RYR2: variants seen among roughly 807,000 people sequenced by gnomAD.
RYR2 encodes cardiac muscle ryanodine receptor-calcium release channel.
In RYR2, 227 loss-of-function variants were observed where a neutral mutation model predicts 601.1. The ratio of observed to expected loss-of-function variants is 0.38; its 90% confidence interval spans 0.34 to 0.42. The LOEUF is 0.42. Among genes scored for constraint, RYR2 ranks in the 10% least tolerant of loss-of-function variants. The pLI is 1.00. For synonymous variants in RYR2, 2,223 were observed against 2,175.1 expected, an observed-to-expected ratio of 1.02 and a Z score of -0.61; for missense variants, 4,646 against 6,156.5, an observed-to-expected ratio of 0.75 and a Z score of 8.21.
intron 38 of RYR2, among the ~76,000 whole-genome samples, chr1:237,623,399 T>C (rs202099842): frequency 6.3e-5 from 1 of 15,812 alleles, no homozygotes; most frequent in African/African-American, 1.4e-4. Flanking sequence ...TTTTTTTTTT[T>C]TTTTTTTTTG....
At chr1:237,745,099 C>A (rs573042484) in intron 80 of RYR2, among the ~76,000 whole-genome samples, 15 of 152,078 alleles carry the variant, frequency 9.9e-5, no homozygotes, top group African/African-American at 2.2e-4. Context: ...CCACGCCCAG[C>A]CACTTTTTAA....
chr1:237,764,698 C>T (rs1470621785), intron 84 of RYR2, among the ~76,000 whole-genome samples: 4 of 152,006 alleles, frequency 2.6e-5, no homozygotes, highest in Admixed American at 2.6e-4. Context: ...CCACCCACCT[C>T]GGCCTCCCAA....
chr1:237,330,571 A>G (rs1696607785), intron 2 of RYR2, among the ~76,000 whole-genome samples: 1 of 152,166 alleles, frequency 6.6e-6, no homozygotes, highest in Non-Finnish European at 1.5e-5. Flanking sequence ...TATTTTTAGT[A>G]GAGATGGGGT....
At chr1:237,719,538 G>A (rs544813591) in intron 73 of RYR2, among the ~76,000 whole-genome samples, 3 of 152,286 alleles carry the variant, frequency 2.0e-5, no homozygotes, top group Admixed American at 1.3e-4. Context: ...AACAAGAGCA[G>A]TGAGGAGGGA....
chr1:237,265,187 A>G lies in RYR2; in HGVS notation c.49-5310A>G, dbSNP rs573190290. Among the ~76,000 whole-genome samples, 10 of 152,296 alleles carry G rather than the reference A, an allele frequency of 6.6e-5. No individual in the cohort carries two copies. The South Asian group carries it at 1.5e-3, about 22-fold the overall frequency. ...TTTGAAAGATGGGTAAGTATTAACT[A>G]GAGAAGAGAGAAAGGGGTTTAATAG... On this transcript the variant is annotated intron_variant, in intron 1 of 104. Coordinates refer to ENST00000366574, the MANE Select transcript of RYR2 (RefSeq NM_001035.3).
At chr1:237,377,876 C>G (rs1161914979) in intron 8 of RYR2, among the ~76,000 whole-genome samples, 1 of 151,950 alleles carries the variant, frequency 6.6e-6, no homozygotes, top group African/African-American at 2.4e-5. Flanking sequence ...GAGAAATAGA[C>G]AAAAGAAGAA....
chr1:237,563,203 T>C (rs1671627321), intron 27 of RYR2, among the ~76,000 whole-genome samples: 1 of 151,742 alleles, frequency 6.6e-6, no homozygotes, highest in African/African-American at 2.4e-5. Context: ...AGGCTCGAAG[T>C]TCGAGACCAG....
chr1:237,794,855 G>C (rs1658911077), intron 95 of RYR2, among the ~76,000 whole-genome samples: 1 of 152,202 alleles, frequency 6.6e-6, no homozygotes, highest in African/African-American at 2.4e-5. Context: ...GAAGACGCTA[G>C]AGTTGTGCTT....
intron 14 of RYR2, 94 bp downstream of exon 14, chr1:237,445,616 G>T (rs1708261449): frequency 2.7e-6 from 4 of 1,465,352 alleles, no homozygotes; most frequent in Non-Finnish European, 3.8e-6. Flanking sequence ...TGCTATGATG[G>T]TAATAAATCT....
At position 237,092,382 on chromosome 1, in the gene RYR2, G is replaced by A. The variant is rs370051680; in HGVS notation, c.48+49813G>A. On this transcript the variant is annotated intron_variant, in intron 1 of 104. Coordinates refer to ENST00000366574, the MANE Select transcript of RYR2 (RefSeq NM_001035.3). ...AGGAGACCCTCTGCTATCTTCTCAGGCTTGGTGTTTGCTCTTATGTGACTG... is the reference window on the plus strand; with the variant it reads ...AGGAGACCCTCTGCTATCTTCTCAGACTTGGTGTTTGCTCTTATGTGACTG... Among the ~76,000 whole-genome samples, 58 of 152,172 alleles carry A rather than the reference G, an allele frequency of 3.8e-4. No homozygotes were observed. The South Asian group carries it at 0.011, about 30-fold the overall frequency.
intron 1 of RYR2, among the ~76,000 whole-genome samples, chr1:237,141,700 C>T (rs1673409072): frequency 6.6e-6 from 1 of 152,208 alleles, no homozygotes; most frequent in Non-Finnish European, 1.5e-5. Context: ...ATCGGCCCTG[C>T]CTGCCATTTT....
intron 17 of RYR2, among the ~76,000 whole-genome samples, chr1:237,473,338 C>T (rs926054890): frequency 1.7e-4 from 26 of 151,952 alleles, no homozygotes; most frequent in Non-Finnish European, 7.4e-5. Flanking sequence ...GCATGAGAAT[C>T]GCTTGAACTT....
chr1:237,777,893 G>A (rs1478644356), intron 87 of RYR2, among the ~76,000 whole-genome samples: 2 of 152,158 alleles, frequency 1.3e-5, no homozygotes, highest in Non-Finnish European at 2.9e-5. Context: ...AATTTGATTG[G>A]TAAAAGTGCA....
At chr1:237,190,221 C>T (rs1679825828) in intron 1 of RYR2, among the ~76,000 whole-genome samples, 1 of 152,094 alleles carries the variant, frequency 6.6e-6, no homozygotes, top group African/African-American at 2.4e-5. Flanking sequence ...CACCATTTTA[C>T]ATTTCCACCA....
chr1:237,148,565 TATATATATATATACACACAC>T (rs1558320451), intron 1 of RYR2, among the ~76,000 whole-genome samples: 47 of 84,724 alleles, frequency 5.5e-4, no homozygotes, highest in African/African-American at 1.6e-3. Flanking sequence ...CACACACACA[TATATATATATATACACACAC>T]ATATATATAT....
At chr1:237,327,639 G>T (rs928113388) in intron 2 of RYR2, among the ~76,000 whole-genome samples, 2 of 152,174 alleles carry the variant, frequency 1.3e-5, no homozygotes, top group African/African-American at 4.8e-5. Context: ...TAGAATCCAT[G>T]CAAGAACCGA....
At chr1:237,119,591 G>A (rs1442037701) in intron 1 of RYR2, among the ~76,000 whole-genome samples, 1 of 152,164 alleles carries the variant, frequency 6.6e-6, no homozygotes, top group Non-Finnish European at 1.5e-5. Context: ...TCCTACGATG[G>A]CCAGTTTGTT....
At chr1:237,199,873 A>G (rs969732064) in intron 1 of RYR2, among the ~76,000 whole-genome samples, 2 of 152,166 alleles carry the variant, frequency 1.3e-5, no homozygotes, top group East Asian at 1.9e-4. Flanking sequence ...ATTAAATGAT[A>G]TGTTATCTAC....
At chr1:237,380,918 A>G (rs1701456037) in intron 8 of RYR2, among the ~76,000 whole-genome samples, 1 of 152,076 alleles carries the variant, frequency 6.6e-6, no homozygotes, top group Non-Finnish European at 1.5e-5. Flanking sequence ...TCTCTACTAA[A>G]AATACAAAAA....
Sources: gnomAD v4.1 joint callset for allele counts (sites outside exome capture counted in the v4.1 genomes callset) on GRCh38, gnomAD v4.1.1 for gene constraint, MANE v1.5 for transcripts, NCBI Gene and HGNC (gene_info 2026-07-23, HGNC 2026-07-21) for gene names.